KIAA0825: variants seen among roughly 807,000 people sequenced by gnomAD.
KIAA0825 encodes KIAA0825.
KIAA0825 carries 119 observed loss-of-function variants against 147.6 expected under a neutral mutation model. The observed-to-expected ratio is 0.81, with a 90% CI of 0.69 to 0.94. The LOEUF is 0.94. KIAA0825 is among the 40% of genes least tolerant of loss of function. The pLI is 0.00. For synonymous variants in KIAA0825, 470 were observed against 518.1 expected (o/e 0.91, Z 1.26); for missense variants, 1,381 against 1,472.7 (o/e 0.94, Z 1.02).
intron 20 of KIAA0825, among the ~76,000 whole-genome samples, chr5:94,184,938 A>G (rs923375792): frequency 2.6e-5 from 4 of 152,204 alleles, no homozygotes; most frequent in Admixed American, 1.3e-4. Flanking sequence ...AGCCACCCCA[A>G]AACTTAGTGA....
intron 1 of KIAA0825, among the ~76,000 whole-genome samples, chr5:94,595,593 C>G (rs1461358536): frequency 1.3e-5 from 2 of 152,230 alleles, no homozygotes; most frequent in Non-Finnish European, 2.9e-5. Context: ...TGTCGATTAA[C>G]ATTTGGCTCC....
intron 20 of KIAA0825, among the ~76,000 whole-genome samples, chr5:94,359,090 T>C (rs74956411): frequency 0.018 from 2,750 of 152,316 alleles, 94 homozygotes; most frequent in African/African-American, 0.064. Flanking sequence ...CAACAATGAC[T>C]AAGCATTCAC....
chr5:94,407,142 C>T (rs1273453073), intron 15 of KIAA0825, among the ~76,000 whole-genome samples: 1 of 152,114 alleles, frequency 6.6e-6, no homozygotes, highest in Non-Finnish European at 1.5e-5. Flanking sequence ...CTGCCATACT[C>T]CTGGGGATGA....
intron 1 of KIAA0825, chr5:94,615,832 A>AT (rs1790305266): frequency 6.6e-6 from 1 of 152,042 alleles, no homozygotes; most frequent in Admixed American, 6.6e-5. Flanking sequence ...CTTATTTTTT[A>AT]TTTTTTAGAG....
chr5:94,586,278 T>C (rs968717383), intron 1 of KIAA0825, among the ~76,000 whole-genome samples: 1 of 151,830 alleles, frequency 6.6e-6, no homozygotes, highest in African/African-American at 2.4e-5. Flanking sequence ...ATCAACAAAA[T>C]AGGTAGACCA....
At chr5:94,259,739 T>A (rs1776406903) in intron 20 of KIAA0825, among the ~76,000 whole-genome samples, 1 of 152,024 alleles carries the variant, frequency 6.6e-6, no homozygotes, top group Non-Finnish European at 1.5e-5. Context: ...GCTTCATTTT[T>A]AATAGTTTTT....
At position 94,152,598 on chromosome 5, in the gene KIAA0825, G is replaced by T. The variant is rs1385466561; in HGVS notation, c.*1409C>A. Reference sequence around the variant, plus strand: ...CTAGCTAGGTGGGAGAATCACTTGAGACAAGGAGTTCAAGTCCAGCCTGGG... The same window carrying T: ...CTAGCTAGGTGGGAGAATCACTTGATACAAGGAGTTCAAGTCCAGCCTGGG... On this transcript the variant is annotated 3_prime_UTR_variant, in exon 21 of 21. Transcript: ENST00000682413. 2.6e-5 allele frequency among the ~76,000 whole-genome samples: 4 copies of T among 151,020 alleles called. No individual in the cohort carries two copies. Among genetic ancestry groups the T allele is most frequent in the Non-Finnish European group, 4.4e-5 (3 of 67,808 alleles).
chr5:94,402,199 A>G (rs1291310028), intron 16 of KIAA0825, among the ~76,000 whole-genome samples: 1 of 152,164 alleles, frequency 6.6e-6, no homozygotes, highest in Non-Finnish European at 1.5e-5. Context: ...ATAAGTAAGC[A>G]TTTTTTGAAA....
rs190123123 is a variant in KIAA0825 at position 94,542,813 on chromosome 5, A to C, written c.-1-5686T>G. ...CGGAGCGAGATTCCCTCTCAAAAAA[A>C]AGAAAGAAAAAAAAAGAATCTGTTT... is the stretch of plus-strand genomic sequence containing the variant. On this transcript the variant is annotated intron_variant, in intron 2 of 20. Transcript: ENST00000682413. Among the ~76,000 whole-genome samples the C allele has an allele frequency of 1.6e-4, 25 of 152,242 alleles. No individual in the cohort carries two copies. The East Asian group carries it at 4.6e-3, about 28-fold the overall frequency.
At chr5:94,610,426 C>CAAAAAAAAAAAA (rs199687437) in intron 1 of KIAA0825, among the ~76,000 whole-genome samples, 1 of 63,208 alleles carries the variant, frequency 1.6e-5, no homozygotes, top group Non-Finnish European at 3.3e-5. Context: ...AAGACTGTCT[C>CAAAAAAAAAAAA]AAAAAAAAAA....
At chr5:94,604,482 C>G (rs1164398893) in intron 1 of KIAA0825, among the ~76,000 whole-genome samples, 1 of 152,052 alleles carries the variant, frequency 6.6e-6, no homozygotes, top group Non-Finnish European at 1.5e-5. Flanking sequence ...TCACTTGAAC[C>G]CAGGAAGCGG....
intron 13 of KIAA0825, among the ~76,000 whole-genome samples, chr5:94,445,405 C>T (rs187152670): frequency 4.0e-4 from 61 of 152,252 alleles, no homozygotes; most frequent in African/African-American, 1.3e-3. Context: ...ATGACCCTCC[C>T]ATGAGAGTAT....
rs574164010 is a variant in KIAA0825 at position 94,202,049 on chromosome 5, T to C, written c.3711-47925A>G. Among the ~76,000 whole-genome samples, 7 of 152,338 alleles carry C rather than the reference T, an allele frequency of 4.6e-5. 1 individual carries two copies. The South Asian group carries it at 1.5e-3, about 32-fold the overall frequency. On this transcript the variant is annotated intron_variant, in intron 20 of 20. Transcript: ENST00000682413. ...ATCAGATATTAAAGATAGGGGGTTCTGGCTAAACTGATTTAGCAAGGTTCT... is the reference window on the plus strand; with the variant it reads ...ATCAGATATTAAAGATAGGGGGTTCCGGCTAAACTGATTTAGCAAGGTTCT...
intron 20 of KIAA0825, among the ~76,000 whole-genome samples, chr5:94,320,699 G>GACA (rs1562376377): frequency 6.6e-6 from 1 of 151,856 alleles, no homozygotes; most frequent in Non-Finnish European, 1.5e-5. Flanking sequence ...TCCAAACTAG[G>GACA]TACTCAGTGT....
chr5:94,218,935 T>G (rs1773439310), intron 20 of KIAA0825, among the ~76,000 whole-genome samples: 1 of 152,180 alleles, frequency 6.6e-6, no homozygotes, highest in Non-Finnish European at 1.5e-5. Context: ...GGGGTCTTAT[T>G]TATGTGCTTA....
intron 2 of KIAA0825, among the ~76,000 whole-genome samples, chr5:94,549,976 A>T (rs1388465082): frequency 6.6e-6 from 1 of 152,176 alleles, no homozygotes; most frequent in African/African-American, 2.4e-5. Flanking sequence ...TGAAACAAAA[A>T]GTTGGCTTTT....
At chr5:94,603,080 G>C (rs1786809145) in intron 1 of KIAA0825, among the ~76,000 whole-genome samples, 1 of 152,040 alleles carries the variant, frequency 6.6e-6, no homozygotes, top group African/African-American at 2.4e-5. Context: ...ACCTGCCTCG[G>C]CTTCCCAAAG....
chr5:94,517,485 C>T (rs896753043), intron 5 of KIAA0825, among the ~76,000 whole-genome samples: 1 of 152,032 alleles, frequency 6.6e-6, no homozygotes, highest in Non-Finnish European at 1.5e-5. Flanking sequence ...AACAACCAAT[C>T]CTCAACCTAA....
At chr5:94,289,846 C>T (rs1351626273) in intron 20 of KIAA0825, among the ~76,000 whole-genome samples, 2 of 151,488 alleles carry the variant, frequency 1.3e-5, no homozygotes, top group Admixed American at 1.3e-4. Context: ...TTGAGAGCAG[C>T]CAGGGCAATA....
Sources: gnomAD v4.1 joint callset for allele counts (sites outside exome capture counted in the v4.1 genomes callset) on GRCh38, gnomAD v4.1.1 for gene constraint, MANE v1.5 for transcripts, NCBI Gene and HGNC (gene_info 2026-07-23, HGNC 2026-07-21) for gene names.